Variants in GRM3 observed in about 807,000 individuals in gnomAD.
The protein encoded by GRM3 is glutamate metabotropic receptor 3, also known as metabotropic glutamate receptor 3.
A neutral mutation model predicts 70.5 loss-of-function variants in GRM3; 26 were observed. The ratio of observed to expected loss-of-function variants is 0.37; its 90% confidence interval spans 0.27 to 0.51. The LOEUF is 0.51. GRM3 is among the 20% of genes least tolerant of loss of function. GRM3 has a pLI of 0.93. For synonymous variants in GRM3, 443 were observed against 434.9 expected (o/e 1.02, Z -0.23); for missense variants, 859 against 1,123.8 (o/e 0.76, Z 3.37).
rs1340722163 is a variant in GRM3, at chr7:86,668,014, A to G, written c.-141+23142A>G. 3.3e-5 allele frequency among the ~76,000 whole-genome samples: 5 copies of G among 152,092 alleles called. No individual in the cohort carries two copies. In the East Asian group the frequency reaches 9.6e-4, roughly 29 times the overall value. On this transcript the variant is annotated intron_variant, in intron 1 of 5. Transcript: ENST00000361669. Reference sequence around the variant, plus strand: ...TCTCCTTCCTACCCACTTCCACCCCAGTCTCCTGCAAGTCTGACCCCGTTT... The same window carrying G: ...TCTCCTTCCTACCCACTTCCACCCCGGTCTCCTGCAAGTCTGACCCCGTTT...
At chr7:86,860,054 A>G (rs899380681) in intron 5 of GRM3, among the ~76,000 whole-genome samples, 2 of 152,198 alleles carry the variant, frequency 1.3e-5, no homozygotes. Context: ...AGAGTATCCA[A>G]TAGTTACTAT....
At chr7:86,819,240 A>G (rs1798072809) in intron 3 of GRM3, among the ~76,000 whole-genome samples, 1 of 152,150 alleles carries the variant, frequency 6.6e-6, no homozygotes, top group South Asian at 2.1e-4. Flanking sequence ...GTGGTAAGCC[A>G]TAAATCTATG....
chr7:86,723,262 A>G (rs550429103), intron 1 of GRM3, among the ~76,000 whole-genome samples: 8 of 152,256 alleles, frequency 5.3e-5, no homozygotes, highest in Admixed American at 2.6e-4. Context: ...GGTGATAGAT[A>G]TAATGATGAT....
At chr7:86,703,922 A>T (rs916710654) in intron 1 of GRM3, among the ~76,000 whole-genome samples, 1 of 151,952 alleles carries the variant, frequency 6.6e-6, no homozygotes, top group African/African-American at 2.4e-5. Context: ...TGAGACTTCT[A>T]TGAAATGCTG....
intron 1 of GRM3, among the ~76,000 whole-genome samples, chr7:86,720,484 G>C (rs76266525): frequency 0.017 from 2,574 of 152,160 alleles, 72 homozygotes; most frequent in African/African-American, 0.058. Flanking sequence ...ATTTGAAACT[G>C]AAAGTGTAAA....
At chr7:86,753,337 TA>T (rs1156824453) in intron 1 of GRM3, among the ~76,000 whole-genome samples, 1 of 152,136 alleles carries the variant, frequency 6.6e-6, no homozygotes, top group Non-Finnish European at 1.5e-5. Context: ...TACACATATA[TA>T]AAATGAGAGC....
At chr7:86,724,908 A>C (rs1795556761) in intron 1 of GRM3, among the ~76,000 whole-genome samples, 1 of 152,278 alleles carries the variant, frequency 6.6e-6, no homozygotes, top group African/African-American at 2.4e-5. Flanking sequence ...TGTGTGGTGG[A>C]GTTTAATAGT....
chr7:86,742,881 G>A lies in GRM3; in HGVS notation c.-140-22125G>A, dbSNP rs560502637. On this transcript the variant is annotated intron_variant, in intron 1 of 5. Transcript: ENST00000361669. ...ATTTTAGAACGAGGATAATGAAAGC[G>A]CTTCGAGGTATTTACTATATGTGAC... Among the ~76,000 whole-genome samples the A allele has an allele frequency of 2.0e-4, 30 of 152,158 alleles. No homozygotes were observed. The South Asian group carries it at 5.8e-3, about 30-fold the overall frequency.
Position 86,864,446 on chromosome 7 carries a change from C to A in GRM3, c.*91C>A. 4.5e-6 allele frequency: 4 copies of A among 886,574 alleles called. No individual in the cohort carries two copies. The highest frequency in any genetic ancestry group is 7.7e-6 in the Non-Finnish European group (4 of 516,198). The allele number at this position is 886,574 out of a possible 1,614,324, so 54.9% of individuals were successfully genotyped here. A position where few individuals can be genotyped will look rare whatever the true frequency, so the allele number is the denominator to read the frequency against. On this transcript the variant is annotated 3_prime_UTR_variant, in exon 6 of 6. Transcript: ENST00000361669. ...AGAATATGGAAACAGAGCAAAAGAACAACCCTAGTACCTTTTTTTAGAAAC... is the reference window on the plus strand; with the variant it reads ...AGAATATGGAAACAGAGCAAAAGAAAAACCCTAGTACCTTTTTTTAGAAAC...
intron 1 of GRM3, among the ~76,000 whole-genome samples, chr7:86,691,100 A>T (rs964659178): frequency 6.6e-6 from 1 of 152,104 alleles, no homozygotes; most frequent in Non-Finnish European, 1.5e-5. Context: ...TCTGAATTTC[A>T]CACTCCCTAG....
intron 5 of GRM3, among the ~76,000 whole-genome samples, chr7:86,859,828 G>T (rs1798921191): frequency 6.6e-6 from 1 of 152,146 alleles, no homozygotes; most frequent in South Asian, 2.1e-4. Flanking sequence ...AGTCTGGCTA[G>T]CCCATGCATT....
chr7:86,850,385 A>G lies in GRM3; in HGVS notation c.2407A>G (p.Met803Val). The G allele has an allele frequency of 1.2e-6, 2 of 1,612,738 alleles. No homozygotes were observed. The highest frequency in any genetic ancestry group is 1.7e-6 in the Non-Finnish European group (2 of 1,179,150). The change falls in exon 5 of 6, where the codon ATG becomes GTG. Residue 803 changes from methionine to valine, a missense_variant. Coordinates refer to ENST00000361669, the MANE Select transcript of GRM3 (RefSeq NM_000840.3). ...TCTCTTGTAGGTGCAGACGACAACCATGTGCATCTCTGTCAGCCTGAGTGG... is the reference window on the plus strand; with the variant it reads ...TCTCTTGTAGGTGCAGACGACAACCGTGTGCATCTCTGTCAGCCTGAGTGG... The part of the protein sequence containing the change: ...SSDYRVQTTT[M>V]CISVSLSGFV...
chr7:86,663,719 C>A lies in GRM3; in HGVS notation c.-141+18847C>A, dbSNP rs139822754. ...AGTTTGTAAGATTTTAGGCTCAGAGCAATGGTAAGCCATTTAAGCCCCTGC... is the reference window on the plus strand; with the variant it reads ...AGTTTGTAAGATTTTAGGCTCAGAGAAATGGTAAGCCATTTAAGCCCCTGC... On this transcript the variant is annotated intron_variant, in intron 1 of 5. Transcript: ENST00000361669. Among the ~76,000 whole-genome samples, 533 of 151,988 alleles carry A rather than the reference C, an allele frequency of 3.5e-3. 4 individuals are homozygous for A. The highest frequency in any genetic ancestry group is 0.012 in the African/African-American group (506 of 41,472).
intron 1 of GRM3, among the ~76,000 whole-genome samples, chr7:86,730,285 T>C (rs1018804292): frequency 6.6e-6 from 1 of 152,052 alleles, no homozygotes; most frequent in Non-Finnish European, 1.5e-5. Flanking sequence ...CTGAACATGG[T>C]GGCACATGCC....
chr7:86,731,305 A>G (rs902262365), intron 1 of GRM3, among the ~76,000 whole-genome samples: 1 of 152,196 alleles, frequency 6.6e-6, no homozygotes, highest in African/African-American at 2.4e-5. Context: ...TTTAAATCCT[A>G]GGAATCATCT....
intron 5 of GRM3, among the ~76,000 whole-genome samples, chr7:86,856,904 G>C (rs1387730899): frequency 6.6e-6 from 1 of 152,030 alleles, no homozygotes; most frequent in Non-Finnish European, 1.5e-5. Context: ...AGAGCTGGGA[G>C]GGCCACTTTG....
intron 1 of GRM3, among the ~76,000 whole-genome samples, chr7:86,719,404 G>A (rs994644938): frequency 2.0e-5 from 3 of 151,910 alleles, no homozygotes; most frequent in African/African-American, 4.8e-5. Flanking sequence ...GGCATATAAA[G>A]ATAAGTCACA....
chr7:86,709,094 G>C (rs1795132655), intron 1 of GRM3, among the ~76,000 whole-genome samples: 1 of 151,902 alleles, frequency 6.6e-6, no homozygotes, highest in Non-Finnish European at 1.5e-5. Flanking sequence ...TACAAGCTTT[G>C]ATTTCCCTAT....
At chr7:86,688,513 TAAAGG>T (rs1794618822) in intron 1 of GRM3, among the ~76,000 whole-genome samples, 1 of 151,442 alleles carries the variant, frequency 6.6e-6, no homozygotes, top group African/African-American at 2.4e-5. Flanking sequence ...TTGAAAGAAC[TAAAGG>T]AGTCATATAC....
Sources: gnomAD v4.1 joint callset for allele counts (sites outside exome capture counted in the v4.1 genomes callset) on GRCh38, gnomAD v4.1.1 for gene constraint, MANE v1.5 for transcripts, NCBI Gene and HGNC (gene_info 2026-07-23, HGNC 2026-07-21) for gene names.